Variants in STAT1 observed in about 807,000 individuals in gnomAD.
STAT1 encodes the protein signal transducer and activator of transcription 1, also known as signal transducer and activator of transcription 1-alpha/beta.
In STAT1, 24 loss-of-function variants were observed where a neutral mutation model predicts 111.7. The ratio of observed to expected loss-of-function variants is 0.21; its 90% CI spans 0.16 to 0.30. STAT1 has a LOEUF of 0.30. Ranked by LOEUF, STAT1 falls within the 10% of genes least tolerant of loss-of-function variation. STAT1 has a pLI of 1.00. For missense variants in STAT1, 351 were observed against 911.9 expected (o/e 0.38, Z 7.92); for synonymous variants, 332 against 326.5 (o/e 1.02, Z -0.18).
rs1693120163 is a variant in STAT1, at chr2:190,989,198, G to A, written c.1097+417C>T. On this transcript the variant is annotated intron_variant, in intron 12 of 24. Coordinates refer to ENST00000361099, the MANE Select transcript of STAT1 (RefSeq NM_007315.4). This position sits in a 1 kb window ranked among gnomAD's most constrained non-coding sequence, Gnocchi z 5.0. ...TTGGATCAGGGGCCTCTCCTTTGGG[G>A]CTGACCTAGAAGGAGGGGGTGGCAT... Among the ~76,000 whole-genome samples, 1 of 152,208 alleles carries A rather than the reference G, an allele frequency of 6.6e-6. No homozygotes were observed. The highest frequency in any genetic ancestry group is 1.5e-5 in the Non-Finnish European group (1 of 68,038).
Position 190,989,308 on chromosome 2 carries a change from A to C in STAT1, c.1097+307T>G, listed in dbSNP as rs1012282498. On this transcript the variant is annotated intron_variant, in intron 12 of 24. Transcript: ENST00000361099. This position sits in a 1 kb window ranked among gnomAD's most constrained non-coding sequence, Gnocchi z 5.0. ...CACTCTTTTGTTCATTTATAGTCTA[A>C]AAAGGCACAGGAATGTTGATACCAG... is the stretch of plus-strand genomic sequence containing the variant. Among the ~76,000 whole-genome samples the C allele has an allele frequency of 2.6e-5, 4 of 152,182 alleles. No individual in the cohort carries two copies. Among genetic ancestry groups the C allele is most frequent in the Non-Finnish European group, 4.4e-5 (3 of 68,034 alleles).
rs886055378 is a variant in STAT1, at chr2:190,979,816, G to A, written c.1683C>T (p.Ile561=). 3 of 1,613,686 alleles carry A rather than the reference G, an allele frequency of 1.9e-6. No individual in the cohort carries two copies. Among genetic ancestry groups the A allele is most frequent in the Admixed American group, 1.7e-5 (1 of 59,984 alleles). ...GCAGGTGTTTTTTAATGAGTTCTAG[G>A]ATGCTTTCAATCCAAAGCCAGAAGG... ...NFPFWLWIES[I]LELIKKHLLP... is the part of the protein sequence containing the mutation. The change falls in exon 20 of 25, where the codon ATC becomes ATT. Residue 561 remains isoleucine (I), a synonymous_variant. Coordinates refer to ENST00000361099, the MANE Select transcript of STAT1 (RefSeq NM_007315.4). The surrounding 1 kb of genome is among the most constrained non-coding windows in gnomAD (Gnocchi z 5.8).
chr2:190,991,583 G>A (rs1457745189), intron 10 of STAT1, among the ~76,000 whole-genome samples: 1 of 152,162 alleles, frequency 6.6e-6, no homozygotes, highest in Non-Finnish European at 1.5e-5. Flanking sequence ...TGAAGGCTAG[G>A]CACAGTGGCC....
At chr2:191,011,603 C>T (rs187503107) in intron 2 of STAT1, among the ~76,000 whole-genome samples, 108 of 152,150 alleles carry the variant, frequency 7.1e-4, no homozygotes, top group Non-Finnish European at 1.2e-3. Flanking sequence ...AATCTTACCT[C>T]GAATTGTAAT....
At position 190,975,022 on chromosome 2, in the gene STAT1, T is replaced by C. The variant is rs922195475; in HGVS notation, c.2136-90A>G. On this transcript the variant is annotated intron_variant, in intron 23 of 24. Coordinates refer to ENST00000361099, the MANE Select transcript of STAT1 (RefSeq NM_007315.4). The surrounding 1 kb of genome is among the most constrained non-coding windows in gnomAD (Gnocchi z 5.9). ...TACACACTTTATCTTTTGTCTGTAA[T>C]TGAATTATCACGTTATATTTTTATT... The C allele has an allele frequency of 3.0e-5, 30 of 1,002,742 alleles. No homozygotes were observed. The highest frequency in any genetic ancestry group is 4.2e-5 in the Non-Finnish European group (27 of 641,970). The allele number at this position is 1,002,742 out of a possible 1,614,324, so 62.1% of individuals were successfully genotyped here. A position where few individuals can be genotyped will look rare whatever the true frequency, so the allele number is the denominator to read the frequency against.
In STAT1 at chr2:191,007,264, AG is replaced by A. The variant is rs1395920666; in HGVS notation, c.372+298del. Among the ~76,000 whole-genome samples the A allele has an allele frequency of 6.6e-6, 1 of 152,236 alleles. No homozygotes were observed. The highest frequency in any genetic ancestry group is 1.9e-4 in the East Asian group (1 of 5,188). On this transcript the variant is annotated intron_variant, in intron 5 of 24. Coordinates refer to ENST00000361099, the MANE Select transcript of STAT1 (RefSeq NM_007315.4). The surrounding 1 kb of genome is among the most constrained non-coding windows in gnomAD (Gnocchi z 4.2). ...GAGGCCTTTCCTGACCCTGATCTAA[AG>A]GAACAACCCCACTCCCAGCCACTCC...
rs951736557 is a variant in STAT1 at position 190,973,552 on chromosome 2, T to TCCC, written c.2238+1275_2238+1277dup. Among the ~76,000 whole-genome samples the TCCC allele has an allele frequency of 1.3e-5, 2 of 151,976 alleles. No homozygotes were observed. The highest frequency in any genetic ancestry group is 2.4e-5 in the African/African-American group (1 of 41,372). ...GGAACAACAAAGGAGGTATAAAAAA[T>TCCC]CCCCCCATTTTACAGTTCCTGTGAT... On this transcript the variant is annotated intron_variant, in intron 24 of 24. Coordinates refer to ENST00000361099, the MANE Select transcript of STAT1 (RefSeq NM_007315.4). The surrounding 1 kb of genome is among the most constrained non-coding windows in gnomAD (Gnocchi z 4.4).
At chr2:190,991,731 C>T (rs1245230480) in intron 10 of STAT1, among the ~76,000 whole-genome samples, 1 of 150,918 alleles carries the variant, frequency 6.6e-6, no homozygotes, top group East Asian at 1.9e-4. Flanking sequence ...CCAGGCGTGG[C>T]TAATTAGTCC....
Position 190,974,772 on chromosome 2 carries a change from C to T in STAT1, c.2238+58G>A. Reference sequence around the variant, plus strand: ...CCCGGGATCTGCCATGGTGCGCTCCCTGCCTCTGAGCACACACACTTATTG... The same window carrying T: ...CCCGGGATCTGCCATGGTGCGCTCCTTGCCTCTGAGCACACACACTTATTG... On this transcript the variant is annotated intron_variant, in intron 24 of 24. Transcript: ENST00000361099. This position sits in a 1 kb window ranked among gnomAD's most constrained non-coding sequence, Gnocchi z 4.8. 1.4e-6 allele frequency: 2 copies of T among 1,474,856 alleles called. No homozygotes were observed. The highest frequency in any genetic ancestry group is 1.9e-6 in the Non-Finnish European group (2 of 1,053,644). 91.4% of individuals were successfully genotyped at this position (1,474,856 alleles called of 1,614,324 possible).
rs577044477 is a variant in STAT1 at position 190,980,139 on chromosome 2, C to T, written c.1633-273G>A. On this transcript the variant is annotated intron_variant, in intron 19 of 24. Coordinates refer to ENST00000361099, the MANE Select transcript of STAT1 (RefSeq NM_007315.4). This position sits in a 1 kb window ranked among gnomAD's most constrained non-coding sequence, Gnocchi z 6.1. ...AGTAGCAAGCTAGCCTGGGGGTGAC[C>T]TCCAGCGTGACTCACGGAAACACAA... Among the ~76,000 whole-genome samples the T allele has an allele frequency of 8.5e-5, 13 of 152,350 alleles. No homozygotes were observed. Among genetic ancestry groups the T allele is most frequent in the African/African-American group, 3.1e-4 (13 of 41,584 alleles).
At chr2:191,010,567 A>C (rs576425297) in intron 2 of STAT1, 2 of 236,342 alleles carry the variant, frequency 8.5e-6, no homozygotes, top group Admixed American at 1.0e-4. Context: ...CTTTAAGACA[A>C]ATCACAAGAC....
Position 190,979,203 on chromosome 2 carries a change from C to T in STAT1, c.1728-202G>A, listed in dbSNP as rs1692149124. Among the ~76,000 whole-genome samples, 1 of 152,110 alleles carries T rather than the reference C, an allele frequency of 6.6e-6. No individual in the cohort carries two copies. ...GTATATACTAAGGTTTTAAAAAAAG[C>T]GATATGAACATGGTGTCAGTAGGAT... On this transcript the variant is annotated intron_variant, in intron 20 of 24. Transcript: ENST00000361099. The surrounding 1 kb of genome is among the most constrained non-coding windows in gnomAD (Gnocchi z 5.8).
rs1400907457 is a variant in STAT1 at position 190,999,532 on chromosome 2, A to C, written c.541+94T>G. ...AAGGAAGAATTCAGAGTCATAAAAT[A>C]CTCGGCAAATAGAAAGGAGTAATCA... is the stretch of plus-strand genomic sequence containing the variant. On this transcript the variant is annotated intron_variant, in intron 7 of 24. Coordinates refer to ENST00000361099, the MANE Select transcript of STAT1 (RefSeq NM_007315.4). The surrounding 1 kb of genome is among the most constrained non-coding windows in gnomAD (Gnocchi z 4.1). 3 of 862,162 alleles carry C rather than the reference A, an allele frequency of 3.5e-6. No individual in the cohort carries two copies. The highest frequency in any genetic ancestry group is 5.9e-6 in the Non-Finnish European group (3 of 506,932). 53.4% of individuals were successfully genotyped at this position (862,162 alleles called of 1,614,324 possible). A position where few individuals can be genotyped will look rare whatever the true frequency, so the allele number is the denominator to read the frequency against.
In STAT1 at chr2:191,000,310, T is replaced by C. The variant is rs1249065110; in HGVS notation, c.463-606A>G. Reference sequence around the variant, plus strand: ...TATTTCTGGACTGGGCTCACTCGGTTTCTACTTTAATGAAATGTTTCCCTA... The same window carrying C: ...TATTTCTGGACTGGGCTCACTCGGTCTCTACTTTAATGAAATGTTTCCCTA... On this transcript the variant is annotated intron_variant, in intron 6 of 24. Coordinates refer to ENST00000361099, the MANE Select transcript of STAT1 (RefSeq NM_007315.4). This position sits in a 1 kb window ranked among gnomAD's most constrained non-coding sequence, Gnocchi z 4.8. 2.0e-5 allele frequency among the ~76,000 whole-genome samples: 3 copies of C among 152,222 alleles called. No individual in the cohort carries two copies. Among genetic ancestry groups the C allele is most frequent in the Non-Finnish European group, 4.4e-5 (3 of 68,046 alleles).
rs1037253382 is a variant in STAT1 at position 191,012,979 on chromosome 2, T to C, written c.-2+546A>G. Among the ~76,000 whole-genome samples the C allele has an allele frequency of 3.9e-5, 6 of 152,212 alleles. No individual in the cohort carries two copies. Among genetic ancestry groups the C allele is most frequent in the African/African-American group, 1.2e-4 (5 of 41,452 alleles). Reference sequence around the variant, plus strand: ...TTAGAGCATCGGTTCCAGTTTTCCTTGTAAAGCTCTGTGATGCCTCCAGAG... The same window carrying C: ...TTAGAGCATCGGTTCCAGTTTTCCTCGTAAAGCTCTGTGATGCCTCCAGAG... On this transcript the variant is annotated intron_variant, in intron 2 of 24. Transcript: ENST00000361099. The surrounding 1 kb of genome is among the most constrained non-coding windows in gnomAD (Gnocchi z 4.0).
chr2:190,975,699 T>C lies in STAT1; in HGVS notation c.2135+113A>G. 3 of 1,549,498 alleles carry C rather than the reference T, an allele frequency of 1.9e-6. No homozygotes were observed. Among genetic ancestry groups the C allele is most frequent in the Admixed American group, 1.9e-5 (1 of 51,816 alleles). The stretch of plus-strand genomic sequence containing the variant: ...GGGATCTCAACAAGTTCAGCTGTGA[T>C]GGCGATAGCAATTACAATGGAAAAG... On this transcript the variant is annotated intron_variant, in intron 23 of 24. Coordinates refer to ENST00000361099, the MANE Select transcript of STAT1 (RefSeq NM_007315.4). The surrounding 1 kb of genome is among the most constrained non-coding windows in gnomAD (Gnocchi z 5.9).
intron 2 of STAT1, chr2:191,010,342 G>A: frequency 2.1e-6 from 1 of 474,340 alleles, no homozygotes; most frequent in Non-Finnish European, 4.4e-6. Context: ...TTTCTTCATA[G>A]TACTTACACC....
chr2:190,975,633 T>G lies in STAT1; in HGVS notation c.2135+179A>C. 6.9e-7 allele frequency: 1 copy of G among 1,447,632 alleles called. No individual in the cohort carries two copies. Among genetic ancestry groups the G allele is most frequent in the Non-Finnish European group, 9.0e-7 (1 of 1,107,326 alleles). The allele number at this position is 1,447,632 out of a possible 1,614,324, so 89.7% of individuals were successfully genotyped here. On this transcript the variant is annotated intron_variant, in intron 23 of 24. Coordinates refer to ENST00000361099, the MANE Select transcript of STAT1 (RefSeq NM_007315.4). The surrounding 1 kb of genome is among the most constrained non-coding windows in gnomAD (Gnocchi z 5.9). ...TACAAATTTGGTTTTTGGCTTTTTTTTTTTTTTTAAAGTAGTAAAATGCTG... is the reference window on the plus strand; with the variant it reads ...TACAAATTTGGTTTTTGGCTTTTTTGTTTTTTTTAAAGTAGTAAAATGCTG...
At position 190,974,787 on chromosome 2, in the gene STAT1, C is replaced by T. The variant is rs1237964629; in HGVS notation, c.2238+43G>A. The T allele has an allele frequency of 6.5e-7, 1 of 1,544,828 alleles. No individual in the cohort carries two copies. Among genetic ancestry groups the T allele is most frequent in the Admixed American group, 1.7e-5 (1 of 59,888 alleles). On this transcript the variant is annotated intron_variant, in intron 24 of 24. Coordinates refer to ENST00000361099, the MANE Select transcript of STAT1 (RefSeq NM_007315.4). This position sits in a 1 kb window ranked among gnomAD's most constrained non-coding sequence, Gnocchi z 4.8. ...GGTGCGCTCCCTGCCTCTGAGCACA[C>T]ACACTTATTGAGAGCTACACACAGG...
Sources: allele counts gnomAD v4.1 joint callset (sites outside exome capture counted in the v4.1 genomes callset), GRCh38; gene constraint gnomAD v4.1.1; non-coding constraint Gnocchi (gnomAD v3.1); transcripts MANE v1.5; gene names NCBI Gene and HGNC (gene_info 2026-07-23, HGNC 2026-07-21).